The following PCDHGA11 variants were observed in gnomAD, a reference collection of about 807,000 sequenced individuals.
PCDHGA11 encodes the protein protocadherin gamma-A11.
In PCDHGA11, 39 loss-of-function variants were observed where a neutral mutation model predicts 60.4. That is an observed-to-expected ratio of 0.65 (90% CI 0.50 to 0.84). PCDHGA11 has a LOEUF of 0.84. PCDHGA11 is among the 40% of genes least tolerant of loss of function. PCDHGA11 has a pLI of 0.00. For synonymous variants in PCDHGA11, 533 were observed against 510.3 expected (o/e 1.04, Z -0.60); for missense variants, 1,165 against 1,197.7 (o/e 0.97, Z 0.40).
At chr5:141,467,059 T>C (rs1157689140) in intron 1 of PCDHGA11, among the ~76,000 whole-genome samples, 2 of 151,064 alleles carry the variant, frequency 1.3e-5, no homozygotes, top group African/African-American at 2.4e-5. Context: ...TGTTTTCTTT[T>C]TTTTTTTTTT....
At chr5:141,430,595 G>C (rs549786394) in intron 1 of PCDHGA11, 1 of 567,016 alleles carries the variant, frequency 1.8e-6, no homozygotes. Flanking sequence ...CCTTGCACGC[G>C]CCTGAAGCAC....
chr5:141,433,365 A>ATCTG, intron 1 of PCDHGA11: 1 of 523,830 alleles, frequency 1.9e-6, no homozygotes, highest in East Asian at 3.1e-5. Context: ...CTGCCTATCT[A>ATCTG]TCTATCTATC....
rs372994272 is a variant in PCDHGA11, at chr5:141,485,358, G to C, written c.2434-9449G>C. On this transcript the variant is annotated intron_variant, in intron 1 of 3. Coordinates refer to ENST00000398587, the MANE Select transcript of PCDHGA11 (RefSeq NM_018914.3). This position sits in a 1 kb window ranked among gnomAD's most constrained non-coding sequence, Gnocchi z 5.7. ...CTGGATACGGACAGTCTGTCAGCTC[G>C]CAGGCTGCAGGTCGCTGGAGAGGTG... is the stretch of plus-strand genomic sequence containing the variant. 3.1e-6 allele frequency: 5 copies of C among 1,613,982 alleles called. No homozygotes were observed. Among genetic ancestry groups the C allele is most frequent in the Non-Finnish European group, 4.2e-6 (5 of 1,180,014 alleles).
At chr5:141,450,727 T>G (rs1592137328) in intron 1 of PCDHGA11, among the ~76,000 whole-genome samples, 1 of 152,080 alleles carries the variant, frequency 6.6e-6, no homozygotes, top group Non-Finnish European at 1.5e-5. Flanking sequence ...CCTCAGGTGA[T>G]CCGCCCGCCT....
At position 141,511,260 on chromosome 5, in the gene PCDHGA11, G is replaced by A; in HGVS notation, c.*87G>A. 6.4e-7 allele frequency: 1 copy of A among 1,558,596 alleles called. No individual in the cohort carries two copies. Among genetic ancestry groups the A allele is most frequent in the Non-Finnish European group, 8.7e-7 (1 of 1,151,758 alleles). On this transcript the variant is annotated 3_prime_UTR_variant, in exon 4 of 4. Transcript: ENST00000398587. ...CCTGCACCCAGGCCTCAGAGTTTCA[G>A]GGCTAACCCCCAGAATACTGGTAGG...
intron 1 of PCDHGA11, among the ~76,000 whole-genome samples, chr5:141,480,949 G>A (rs949853273): frequency 2.0e-4 from 30 of 152,136 alleles, no homozygotes; most frequent in African/African-American, 4.6e-4. Flanking sequence ...AGAGGCTGAG[G>A]CGGAAGCATC....
intron 1 of PCDHGA11, chr5:141,428,456 A>G (rs538022786): frequency 1.4e-5 from 5 of 358,650 alleles, no homozygotes; most frequent in South Asian, 1.1e-4. Context: ...TTTCCCAACT[A>G]CAATGAGGGA....
At chr5:141,478,570 G>T (rs1255499966) in intron 1 of PCDHGA11, 1 of 1,590,156 alleles carries the variant, frequency 6.3e-7, no homozygotes, top group Admixed American at 1.8e-5. Context: ...AGTCATGCTT[G>T]ACCCTGTTAG....
At chr5:141,423,837 A>G (rs73792199) in intron 1 of PCDHGA11, 177 bp downstream of exon 1, 16,285 of 1,277,458 alleles carry the variant, frequency 0.013, 610 homozygotes, top group African/African-American at 0.098. Context: ...TGAGATTACG[A>G]TAATCTTTCA....
rs768994533 is a variant in PCDHGA11 at position 141,486,589 on chromosome 5, C to G, written c.2434-8218C>G. On this transcript the variant is annotated intron_variant, in intron 1 of 3. Transcript: ENST00000398587. This position sits in a 1 kb window ranked among gnomAD's most constrained non-coding sequence, Gnocchi z 5.0. Reference sequence around the variant, plus strand: ...TTCCTGAGAACAATCGCCCAGGGGACCTGCTTTGCTCCCTTGCAGCCTCTG... The same window carrying G: ...TTCCTGAGAACAATCGCCCAGGGGAGCTGCTTTGCTCCCTTGCAGCCTCTG... 1 of 1,613,676 alleles carries G rather than the reference C, an allele frequency of 6.2e-7. No individual in the cohort carries two copies. Among genetic ancestry groups the G allele is most frequent in the Non-Finnish European group, 8.5e-7 (1 of 1,179,996 alleles).
chr5:141,468,315 C>T (rs1197043569), intron 1 of PCDHGA11: 4 of 120,552 alleles, frequency 3.3e-5, no homozygotes, highest in Non-Finnish European at 5.0e-5. Context: ...ACAAGAGCAA[C>T]GGTAAACTCC....
intron 1 of PCDHGA11, chr5:141,427,316 C>G: frequency 2.2e-6 from 1 of 457,002 alleles, no homozygotes; most frequent in Non-Finnish European, 4.4e-6. Context: ...ATGCCCCAGA[C>G]GTGGTTTTTA....
rs1327490895 is a variant in PCDHGA11, at chr5:141,487,672, G to A, written c.2434-7135G>A. The stretch of plus-strand genomic sequence containing the variant: ...AGGGTTATTCTGATCCAGGCATATG[G>A]CTAGGCCATGTCCTAGAGAGTACTG... On this transcript the variant is annotated intron_variant, in intron 1 of 3. Coordinates refer to ENST00000398587, the MANE Select transcript of PCDHGA11 (RefSeq NM_018914.3). This position sits in a 1 kb window ranked among gnomAD's most constrained non-coding sequence, Gnocchi z 5.0. 6.2e-7 allele frequency: 1 copy of A among 1,611,484 alleles called. No individual in the cohort carries two copies. Among genetic ancestry groups the A allele is most frequent in the Non-Finnish European group, 8.5e-7 (1 of 1,178,612 alleles).
chr5:141,455,855 C>A (rs1267803457), intron 1 of PCDHGA11, among the ~76,000 whole-genome samples: 4 of 147,088 alleles, frequency 2.7e-5, no homozygotes, highest in African/African-American at 1.0e-4. Flanking sequence ...AAAATAATTT[C>A]TTTTATTATT....
At chr5:141,443,871 G>A (rs1395939418) in intron 1 of PCDHGA11, among the ~76,000 whole-genome samples, 1 of 152,112 alleles carries the variant, frequency 6.6e-6, no homozygotes, top group East Asian at 1.9e-4. Context: ...AAAAATTACT[G>A]ATAAGTCAAG....
chr5:141,423,423 G>C lies in PCDHGA11; in HGVS notation c.2196G>C (p.Gly732=), dbSNP rs1561809630. ...KSRLLQASEG[G]LAGMPTSHFV... The stretch of plus-strand genomic sequence containing the variant: ...GCCTGCTGCAGGCTTCTGAAGGCGG[G>C]TTGGCAGGTATGCCCACGTCACATT... The change falls in exon 1 of 4, where the codon GGG becomes GGC. Residue 732 remains glycine (G), a synonymous_variant. Transcript: ENST00000398587. 1.2e-6 allele frequency: 2 copies of C among 1,614,096 alleles called. No homozygotes were observed. Among genetic ancestry groups the C allele is most frequent in the Non-Finnish European group, 8.5e-7 (1 of 1,179,954 alleles).
At chr5:141,475,329 A>G (rs1229101617) in intron 1 of PCDHGA11, among the ~76,000 whole-genome samples, 1 of 152,266 alleles carries the variant, frequency 6.6e-6, no homozygotes, top group Non-Finnish European at 1.5e-5. Context: ...AATGAGAGCT[A>G]ACAATGACAT....
At chr5:141,435,941 A>G (rs1354198135) in intron 1 of PCDHGA11, among the ~76,000 whole-genome samples, 1 of 152,170 alleles carries the variant, frequency 6.6e-6, no homozygotes, top group Non-Finnish European at 1.5e-5. Flanking sequence ...TGCTTCTGAG[A>G]CCAAAAAAGG....
chr5:141,499,479 C>T (rs1019775735), intron 2 of PCDHGA11, among the ~76,000 whole-genome samples: 1 of 152,146 alleles, frequency 6.6e-6, no homozygotes. Context: ...AGAACCACCA[C>T]CAACTACAGT....
Sources: gnomAD v4.1 joint callset for allele counts (sites outside exome capture counted in the v4.1 genomes callset) on GRCh38, gnomAD v4.1.1 for gene constraint, Gnocchi (gnomAD v3.1) non-coding constraint, MANE v1.5 for transcripts, NCBI Gene and HGNC (gene_info 2026-07-23, HGNC 2026-07-21) for gene names.